The following COL24A1 variants were observed in gnomAD, a reference collection of about 807,000 sequenced individuals.
The protein encoded by COL24A1 is collagen type XXIV alpha 1 chain, also known as collagen alpha-1(XXIV) chain.
COL24A1 carries 224 observed loss-of-function variants against 253.9 expected under a neutral mutation model. That is an observed-to-expected ratio of 0.88 (90% CI 0.79 to 0.99). COL24A1 has a LOEUF of 0.99. Ranked by LOEUF, COL24A1 falls within the 50% of genes least tolerant of loss-of-function variation. The probability of loss-of-function intolerance (pLI) is 0.00; values close to 1 mark genes in which losing one functional copy is unlikely to be tolerated. For missense variants in COL24A1, 2,131 were observed against 2,068.5 expected, an observed-to-expected ratio of 1.03 and a Z score of -0.59; for synonymous variants, 685 against 673.7, an observed-to-expected ratio of 1.02 and a Z score of -0.26.
At chr1:86,017,086 T>G (rs1219561716) in intron 19 of COL24A1, 65 bp downstream of exon 19, 1 of 1,406,146 alleles carries the variant, frequency 7.1e-7, no homozygotes, top group Non-Finnish European at 9.8e-7. Flanking sequence ...GAAACATGTT[T>G]TATCAAACAA....
At chr1:85,824,641 C>T (rs1445475378) in intron 43 of COL24A1, among the ~76,000 whole-genome samples, 1 of 152,112 alleles carries the variant, frequency 6.6e-6, no homozygotes, top group East Asian at 1.9e-4. Flanking sequence ...CACCTTAGTT[C>T]TCCTAAGAAG....
At chr1:86,056,239 C>T (rs979445859) in intron 10 of COL24A1, among the ~76,000 whole-genome samples, 1 of 152,098 alleles carries the variant, frequency 6.6e-6, no homozygotes, top group Non-Finnish European at 1.5e-5. Flanking sequence ...AAGTACATGA[C>T]TTTTCCTCAT....
intron 24 of COL24A1, among the ~76,000 whole-genome samples, chr1:85,938,392 G>A (rs1238460213): frequency 6.8e-6 from 1 of 146,408 alleles, no homozygotes; most frequent in Non-Finnish European, 1.5e-5. Context: ...GCAATCTCTT[G>A]AGCCCTTCAA....
At chr1:85,833,324 T>G (rs1675573143) in intron 43 of COL24A1, among the ~76,000 whole-genome samples, 1 of 152,128 alleles carries the variant, frequency 6.6e-6, no homozygotes, top group African/African-American at 2.4e-5. Context: ...CAGACACTTC[T>G]CAAAAGAAGA....
At chr1:85,829,655 C>T (rs1035071945) in intron 43 of COL24A1, among the ~76,000 whole-genome samples, 7 of 152,004 alleles carry the variant, frequency 4.6e-5, no homozygotes, top group Middle Eastern at 3.2e-3. Context: ...CTTCCCTTCT[C>T]GCTTCATTTC....
At chr1:86,139,318 A>G (rs1055820827) in intron 2 of COL24A1, among the ~76,000 whole-genome samples, 1 of 152,144 alleles carries the variant, frequency 6.6e-6, no homozygotes, top group East Asian at 1.9e-4. Context: ...AAACTCAGTG[A>G]CTATATCAAT....
At chr1:86,005,748 T>C (rs929742114) in intron 19 of COL24A1, among the ~76,000 whole-genome samples, 1 of 149,620 alleles carries the variant, frequency 6.7e-6, no homozygotes, top group African/African-American at 2.5e-5. Context: ...AGAAAAACCA[T>C]ACAGATTGAG....
At chr1:86,129,923 T>A (rs981069558) in intron 2 of COL24A1, among the ~76,000 whole-genome samples, 4 of 151,820 alleles carry the variant, frequency 2.6e-5, no homozygotes, top group Non-Finnish European at 2.9e-5. Context: ...TATATTCTTG[T>A]TTATTTTTGT....
intron 52 of COL24A1, among the ~76,000 whole-genome samples, chr1:85,776,086 C>T (rs1400588602): frequency 6.6e-6 from 1 of 152,032 alleles, no homozygotes; most frequent in Non-Finnish European, 1.5e-5. Context: ...TTTGAAAACC[C>T]TGTTTCTGGG....
chr1:85,765,115 T>C (rs922040806), intron 53 of COL24A1, among the ~76,000 whole-genome samples: 1 of 152,194 alleles, frequency 6.6e-6, no homozygotes, highest in African/African-American at 2.4e-5. Flanking sequence ...TGTGTTAATA[T>C]TTAGGACCTA....
intron 20 of COL24A1, among the ~76,000 whole-genome samples, chr1:85,978,012 C>T (rs1287596194): frequency 6.6e-6 from 1 of 152,148 alleles, no homozygotes; most frequent in African/African-American, 2.4e-5. Context: ...GAAAACATAT[C>T]AGATTTACAG....
At chr1:85,869,827 G>A (rs1680227766) in intron 35 of COL24A1, among the ~76,000 whole-genome samples, 1 of 152,094 alleles carries the variant, frequency 6.6e-6, no homozygotes, top group Admixed American at 6.6e-5. Context: ...ATAATGACAG[G>A]ATCATATTCA....
intron 10 of COL24A1, among the ~76,000 whole-genome samples, chr1:86,057,132 T>C (rs1226253293): frequency 6.6e-6 from 1 of 152,106 alleles, no homozygotes; most frequent in African/African-American, 2.4e-5. Flanking sequence ...TTTAGCATCA[T>C]CTCCTTGGTG....
chr1:85,766,602 T>A (rs1487449812), intron 53 of COL24A1, among the ~76,000 whole-genome samples: 1 of 152,014 alleles, frequency 6.6e-6, no homozygotes, highest in African/African-American at 2.4e-5. Flanking sequence ...ACAGAAGACA[T>A]GAAGTTTTCT....
At chr1:86,017,490 C>T (rs1041301252) in intron 18 of COL24A1, among the ~76,000 whole-genome samples, 1 of 152,128 alleles carries the variant, frequency 6.6e-6, no homozygotes, top group Admixed American at 6.5e-5. Context: ...ATGTGTTTCA[C>T]AGAGATAAGA....
chr1:85,809,125 CA>C (rs1376382605), intron 47 of COL24A1, among the ~76,000 whole-genome samples: 2 of 152,144 alleles, frequency 1.3e-5, no homozygotes, highest in African/African-American at 4.8e-5. Flanking sequence ...GGGCAAGTCG[CA>C]AATCTTGTGA....
intron 19 of COL24A1, among the ~76,000 whole-genome samples, chr1:86,004,435 C>T (rs1190591492): frequency 6.6e-6 from 1 of 152,116 alleles, no homozygotes; most frequent in Non-Finnish European, 1.5e-5. Context: ...TAGTTTTAAT[C>T]CTGCCCAATC....
intron 2 of COL24A1, among the ~76,000 whole-genome samples, chr1:86,141,516 T>TATTA (rs1246584697): frequency 6.6e-6 from 1 of 152,148 alleles, no homozygotes; most frequent in Non-Finnish European, 1.5e-5. Context: ...TGAACTCTAA[T>TATTA]AACAGTGGCA....
chr1:85,797,145 T>G (rs893296189), intron 47 of COL24A1, among the ~76,000 whole-genome samples: 1 of 140,400 alleles, frequency 7.1e-6, no homozygotes, highest in Non-Finnish European at 1.5e-5. Flanking sequence ...AGGTGGAGGT[T>G]GCAGCGAGCT....
Sources: allele counts gnomAD v4.1 joint callset (sites outside exome capture counted in the v4.1 genomes callset), GRCh38; gene constraint gnomAD v4.1.1; transcripts MANE v1.5; gene names NCBI Gene and HGNC (gene_info 2026-07-23, HGNC 2026-07-21).